The following WDR72 variants were observed in gnomAD, a reference collection of about 807,000 sequenced individuals.
WDR72 encodes WD repeat-containing protein 72.
Under a neutral mutation model 124.2 loss-of-function variants are expected in WDR72, and 120 were observed. That is an observed-to-expected ratio of 0.97 (90% CI 0.83 to 1.12). The LOEUF is 1.12. Ranked by LOEUF, WDR72 falls within the 50% of genes most tolerant of loss-of-function variation. WDR72 has a pLI of 0.00. For synonymous variants in WDR72, 452 were observed against 441.7 expected, an observed-to-expected ratio of 1.02 and a Z score of -0.29; for missense variants, 1,387 against 1,278.8, an observed-to-expected ratio of 1.08 and a Z score of -1.29.
chr15:53,577,847 G>A (rs1225842651), intron 18 of WDR72, among the ~76,000 whole-genome samples: 3 of 152,048 alleles, frequency 2.0e-5, no homozygotes, highest in Non-Finnish European at 4.4e-5. Context: ...ATAATAGTTT[G>A]TTTTTATTCT....
intron 18 of WDR72, among the ~76,000 whole-genome samples, chr15:53,590,128 T>G (rs2012422812): frequency 6.6e-6 from 1 of 152,086 alleles, no homozygotes; most frequent in Non-Finnish European, 1.5e-5. Flanking sequence ...ATGAATACCT[T>G]GATATTTAAA....
chr15:53,693,105 A>G (rs963255435), intron 13 of WDR72, among the ~76,000 whole-genome samples: 1 of 152,198 alleles, frequency 6.6e-6, no homozygotes. Context: ...TCAACACAAC[A>G]TAACTTTGAC....
At chr15:53,672,568 G>A (rs966513503) in intron 13 of WDR72, among the ~76,000 whole-genome samples, 3 of 152,096 alleles carry the variant, frequency 2.0e-5, no homozygotes, top group Non-Finnish European at 4.4e-5. Flanking sequence ...ATCTGATCTT[G>A]CAATATCAGG....
Position 53,699,744 on chromosome 15 carries a change from A to G in WDR72, c.1765+6T>C, listed in dbSNP as rs201119218. The G allele has an allele frequency of 3.7e-6, 6 of 1,613,990 alleles. No individual in the cohort carries two copies. The highest frequency in any genetic ancestry group is 3.4e-6 in the Non-Finnish European group (4 of 1,179,834). Reference sequence around the variant, plus strand: ...AAAGAATGAAAGGGATAAAATTTCAACTTACCTGTTTCAATTTCCCAGATA... The same window carrying G: ...AAAGAATGAAAGGGATAAAATTTCAGCTTACCTGTTTCAATTTCCCAGATA... On this transcript the variant is annotated splice_donor_region_variant and intron_variant, in intron 13 of 19. Coordinates refer to ENST00000360509, the MANE Select transcript of WDR72 (RefSeq NM_182758.4).
chr15:53,696,900 GGGTGTTGTAA>G (rs1365238260), intron 13 of WDR72, among the ~76,000 whole-genome samples: 3 of 152,226 alleles, frequency 2.0e-5, no homozygotes, highest in African/African-American at 7.2e-5. Context: ...CACCTTCACA[GGGTGTTGTAA>G]GGCTCAAATG....
In WDR72 at chr15:53,600,390, G is replaced by A. The variant is rs532144245; in HGVS notation, c.2953-3116C>T. Among the ~76,000 whole-genome samples the A allele has an allele frequency of 7.2e-5, 11 of 152,102 alleles. No homozygotes were observed. In the South Asian group the frequency reaches 1.4e-3, roughly 20 times the overall value. On this transcript the variant is annotated intron_variant, in intron 17 of 19. Coordinates refer to ENST00000360509, the MANE Select transcript of WDR72 (RefSeq NM_182758.4). ...TATTGAGCATTATGGCTATAAAGCT[G>A]TCTTCCCAATGCATATAAAGAAATT...
intron 14 of WDR72, among the ~76,000 whole-genome samples, chr15:53,645,512 A>G (rs1363950673): frequency 6.6e-6 from 1 of 152,152 alleles, no homozygotes; most frequent in Non-Finnish European, 1.5e-5. Flanking sequence ...TTTAATGCAT[A>G]TATCAATAAA....
intron 18 of WDR72, among the ~76,000 whole-genome samples, chr15:53,527,083 A>C (rs1433515424): frequency 6.6e-6 from 1 of 152,092 alleles, no homozygotes; most frequent in East Asian, 1.9e-4. Flanking sequence ...ATTCTTCTAG[A>C]TCCTAAAGAA....
chr15:53,661,302 A>G (rs1373737777), intron 14 of WDR72, among the ~76,000 whole-genome samples: 1 of 152,200 alleles, frequency 6.6e-6, no homozygotes, highest in African/African-American at 2.4e-5. Context: ...TGAAGGCCTC[A>G]GTCTTCTTCC....
chr15:53,585,835 T>C (rs564822498), intron 18 of WDR72, among the ~76,000 whole-genome samples: 1 of 152,130 alleles, frequency 6.6e-6, no homozygotes, highest in East Asian at 1.9e-4. Context: ...AACTGGAAGC[T>C]GTCAGATAGC....
At chr15:53,661,046 T>C (rs2015591791) in intron 14 of WDR72, among the ~76,000 whole-genome samples, 2 of 152,186 alleles carry the variant, frequency 1.3e-5, no homozygotes, top group South Asian at 2.1e-4. Context: ...TTGTAAATAA[T>C]GTTTTTATTG....
intron 14 of WDR72, among the ~76,000 whole-genome samples, chr15:53,644,071 A>C (rs1359228719): frequency 6.6e-6 from 1 of 152,144 alleles, no homozygotes; most frequent in East Asian, 1.9e-4. Flanking sequence ...ATAAATTTCT[A>C]TTGTGATTTG....
At chr15:53,585,296 C>T (rs571015358) in intron 18 of WDR72, among the ~76,000 whole-genome samples, 11 of 152,024 alleles carry the variant, frequency 7.2e-5, no homozygotes, top group South Asian at 2.1e-4. Context: ...GAGAGAGAAG[C>T]GCAAGCAGGG....
intron 13 of WDR72, among the ~76,000 whole-genome samples, chr15:53,689,055 G>A (rs1248539694): frequency 2.6e-5 from 4 of 152,124 alleles, no homozygotes; most frequent in Non-Finnish European, 5.9e-5. Flanking sequence ...ACCTTAAACA[G>A]AAATCAATTC....
intron 1 of WDR72, among the ~76,000 whole-genome samples, chr15:53,754,432 T>C (rs984673155): frequency 6.6e-6 from 1 of 152,070 alleles, no homozygotes; most frequent in Admixed American, 6.5e-5. Flanking sequence ...TGTGGCACTA[T>C]GGCACTTTCT....
chr15:53,553,750 C>T (rs989351378), intron 18 of WDR72, among the ~76,000 whole-genome samples: 3 of 152,170 alleles, frequency 2.0e-5, no homozygotes, highest in East Asian at 1.9e-4. Context: ...ATTTAGATAA[C>T]GGATGTAGAA....
chr15:53,731,097 AT>A (rs1465155136), intron 2 of WDR72, among the ~76,000 whole-genome samples: 1 of 152,160 alleles, frequency 6.6e-6, no homozygotes, highest in African/African-American at 2.4e-5. Context: ...CTTTTGCACA[AT>A]GTCCTCACAG....
chr15:53,595,413 A>G (rs2012725284), intron 18 of WDR72, among the ~76,000 whole-genome samples: 1 of 152,124 alleles, frequency 6.6e-6, no homozygotes, highest in African/African-American at 2.4e-5. Context: ...CTTATGTCTA[A>G]GAATGTACTG....
At position 53,699,751 on chromosome 15, in the gene WDR72, T is replaced by A; in HGVS notation, c.1764A>T (p.Thr588=). The change falls in exon 13 of 20, where the codon ACA becomes ACT. Residue 588 remains threonine (T), a splice_region_variant and synonymous_variant. Coordinates refer to ENST00000360509, the MANE Select transcript of WDR72 (RefSeq NM_182758.4). ...GAAAGGGATAAAATTTCAACTTACC[T>A]GTTTCAATTTCCCAGATATAAACTG... is the stretch of plus-strand genomic sequence containing the variant. ...DDSVYIWEIE[T]GTLERHETGE... is the part of the protein sequence containing the mutation. 1 of 1,614,002 alleles carries A rather than the reference T, an allele frequency of 6.2e-7. No homozygotes were observed. The highest frequency in any genetic ancestry group is 8.5e-7 in the Non-Finnish European group (1 of 1,179,854).
Sources: gnomAD v4.1 joint callset for allele counts (sites outside exome capture counted in the v4.1 genomes callset) on GRCh38, gnomAD v4.1.1 for gene constraint, MANE v1.5 for transcripts, NCBI Gene and HGNC (gene_info 2026-07-23, HGNC 2026-07-21) for gene names.